Variants in SLC12A2 observed in about 807,000 individuals in gnomAD.
SLC12A2 encodes solute carrier family 12 member 2, also known as Na-K-2Cl cotransporter 1.
Under a neutral mutation model 136.3 loss-of-function variants are expected in SLC12A2, and 67 were observed. The observed-to-expected ratio is 0.49, with a 90% confidence interval of 0.40 to 0.60. SLC12A2 has a LOEUF of 0.60. Ranked by LOEUF, SLC12A2 falls within the 20% of genes least tolerant of loss-of-function variation. SLC12A2 has a pLI of 0.00. For synonymous variants in SLC12A2, 619 were observed against 562.9 expected, an observed-to-expected ratio of 1.10 and a Z score of -1.41; for missense variants, 1,322 against 1,534.7, an observed-to-expected ratio of 0.86 and a Z score of 2.32.
intron 4 of SLC12A2, among the ~76,000 whole-genome samples, chr5:128,118,927 A>C (rs1215666611): frequency 6.6e-6 from 1 of 152,212 alleles, no homozygotes; most frequent in Non-Finnish European, 1.5e-5. Context: ...GGGAATCTCT[A>C]TGGAGCAAGG....
At chr5:128,141,295 T>C (rs994212623) in intron 9 of SLC12A2, among the ~76,000 whole-genome samples, 10 of 152,192 alleles carry the variant, frequency 6.6e-5, no homozygotes, top group Admixed American at 6.5e-4. Context: ...AAGCAAATCT[T>C]AGATACCATG....
intron 14 of SLC12A2, among the ~76,000 whole-genome samples, chr5:128,152,034 A>G (rs926930506): frequency 6.6e-6 from 1 of 152,174 alleles, no homozygotes; most frequent in Non-Finnish European, 1.5e-5. Flanking sequence ...CCCGTGACAC[A>G]TGAAAGACCT....
chr5:128,125,648 C>A (rs181700091), intron 4 of SLC12A2, among the ~76,000 whole-genome samples: 1 of 151,880 alleles, frequency 6.6e-6, no homozygotes, highest in African/African-American at 2.4e-5. Flanking sequence ...AGTGAAGAGA[C>A]GTTTACCATT....
chr5:128,135,285 G>A (rs1762149288), intron 6 of SLC12A2, among the ~76,000 whole-genome samples: 1 of 151,850 alleles, frequency 6.6e-6, no homozygotes, highest in Non-Finnish European at 1.5e-5. Flanking sequence ...CATTATGTTT[G>A]GACCATGTAT....
chr5:128,139,874 A>G (rs1762304261), intron 9 of SLC12A2, among the ~76,000 whole-genome samples: 1 of 152,250 alleles, frequency 6.6e-6, no homozygotes, highest in Admixed American at 6.5e-5. Context: ...CTGGGAAGTA[A>G]TAGCAGAATT....
At chr5:128,133,216 A>T (rs1762085655) in intron 5 of SLC12A2, among the ~76,000 whole-genome samples, 1 of 152,218 alleles carries the variant, frequency 6.6e-6, no homozygotes, top group African/African-American at 2.4e-5. Context: ...TATGAAATTG[A>T]ATGGGACCCT....
intron 18 of SLC12A2, chr5:128,170,331 A>G (rs138313194): frequency 6.6e-6 from 1 of 152,198 alleles, no homozygotes; most frequent in Non-Finnish European, 1.5e-5. Context: ...AAAGATTAAC[A>G]TGCCTATTAA....
intron 22 of SLC12A2, among the ~76,000 whole-genome samples, chr5:128,178,944 G>A (rs533443751): frequency 3.3e-5 from 5 of 152,170 alleles, no homozygotes; most frequent in East Asian, 3.9e-4. Context: ...CCATTTTGTT[G>A]ACTGTAACCC....
intron 15 of SLC12A2, among the ~76,000 whole-genome samples, chr5:128,155,406 A>G (rs935082940): frequency 6.6e-5 from 10 of 152,010 alleles, no homozygotes; most frequent in Admixed American, 6.5e-4. Flanking sequence ...TCCTCCCAAT[A>G]CATTTTATAT....
At chr5:128,149,535 C>A (rs1762633001) in intron 12 of SLC12A2, among the ~76,000 whole-genome samples, 1 of 151,192 alleles carries the variant, frequency 6.6e-6, no homozygotes, top group Admixed American at 6.6e-5. Context: ...AAAACGAAAG[C>A]CACCTAGATC....
At chr5:128,125,974 G>A (rs749983501) in intron 4 of SLC12A2, among the ~76,000 whole-genome samples, 54 of 152,102 alleles carry the variant, frequency 3.6e-4, no homozygotes, top group African/African-American at 7.2e-4. Context: ...TGAAAAATCA[G>A]TTGTCTATCA....
rs1018152920 is a variant in SLC12A2 at position 128,140,987 on chromosome 5, A to G, written c.1622-843A>G. On this transcript the variant is annotated intron_variant, in intron 9 of 26. Transcript: ENST00000262461. ...TGTCATGCATGTAATTTTTACCTCAATATATGATGAAATAATACTGAAAAA... is the reference window on the plus strand; with the variant it reads ...TGTCATGCATGTAATTTTTACCTCAGTATATGATGAAATAATACTGAAAAA... Among the ~76,000 whole-genome samples the G allele has an allele frequency of 1.3e-4, 20 of 150,086 alleles. 1 individual carries two copies. Among genetic ancestry groups the G allele is most frequent in the African/African-American group, 4.3e-4 (17 of 39,498 alleles).
chr5:128,110,764 A>G, intron 1 of SLC12A2: 2 of 1,465,842 alleles, frequency 1.4e-6, no homozygotes, highest in African/African-American at 1.4e-5. Flanking sequence ...TAAATGGACA[A>G]AAGATCACAA....
chr5:128,149,521 G>C (rs896631407), intron 12 of SLC12A2, among the ~76,000 whole-genome samples: 2 of 151,452 alleles, frequency 1.3e-5, no homozygotes, highest in Non-Finnish European at 3.0e-5. Flanking sequence ...ATTCATTATA[G>C]TGAAAAACGA....
chr5:128,152,852 C>T (rs1410172233), intron 15 of SLC12A2, 47 bp downstream of exon 15: 2 of 1,098,706 alleles, frequency 1.8e-6, no homozygotes, highest in South Asian at 2.5e-5. Flanking sequence ...CTTTGCTGGC[C>T]AGTCAGTTCT....
At chr5:128,106,080 T>C (rs1444903596) in intron 1 of SLC12A2, among the ~76,000 whole-genome samples, 2 of 152,200 alleles carry the variant, frequency 1.3e-5, no homozygotes, top group African/African-American at 4.8e-5. Flanking sequence ...CAGTCCCTGC[T>C]GGGGCTGGGA....
intron 4 of SLC12A2, among the ~76,000 whole-genome samples, chr5:128,121,619 G>A (rs779626083): frequency 6.6e-6 from 1 of 152,108 alleles, no homozygotes; most frequent in East Asian, 1.9e-4. Flanking sequence ...ACTGCGCCCG[G>A]CTGATTTGGG....
At chr5:128,085,156 A>G (rs1304783017) in intron 1 of SLC12A2, among the ~76,000 whole-genome samples, 5 of 151,748 alleles carry the variant, frequency 3.3e-5, no homozygotes, top group Non-Finnish European at 5.9e-5. Context: ...GGATCGCAAG[A>G]GTGGGAATGT....
chr5:128,157,002 G>A (rs1762889973), intron 15 of SLC12A2, among the ~76,000 whole-genome samples: 1 of 152,122 alleles, frequency 6.6e-6, no homozygotes, highest in Admixed American at 6.6e-5. Flanking sequence ...ATGATTTCAT[G>A]TTTGATTGCC....
Sources: allele counts gnomAD v4.1 joint callset (sites outside exome capture counted in the v4.1 genomes callset), GRCh38; gene constraint gnomAD v4.1.1; transcripts MANE v1.5; gene names NCBI Gene and HGNC (gene_info 2026-07-23, HGNC 2026-07-21).